The following FBXO40 variants were observed in gnomAD, a reference collection of about 807,000 sequenced individuals.
FBXO40 encodes the protein F-box protein 40.
A neutral mutation model predicts 49.9 loss-of-function variants in FBXO40; 50 were observed. The observed-to-expected ratio is 1.00, with a 90% CI of 0.80 to 1.27. FBXO40 has a LOEUF of 1.27. Among genes scored for constraint, FBXO40 ranks in the 50% most tolerant of loss-of-function variants. The pLI, the probability that FBXO40 is intolerant of heterozygous loss-of-function variation, is 0.00. For synonymous variants in FBXO40, 340 were observed against 320.2 expected (o/e 1.06, Z -0.66); for missense variants, 895 against 870.1 (o/e 1.03, Z -0.36).
rs1442789053 is a variant in FBXO40 at position 121,627,843 on chromosome 3, A to T, written c.*933A>T. On this transcript the variant is annotated 3_prime_UTR_variant, in exon 4 of 4. Coordinates refer to ENST00000338040, the MANE Select transcript of FBXO40 (RefSeq NM_016298.4). ...AGAATGCACAGGGCAGCCCAGGGAG[A>T]TCACACCTTTGGCAAAGTCCAGACA... The T allele has an allele frequency of 1.3e-5, 5 of 398,582 alleles. No homozygotes were observed. Among genetic ancestry groups the T allele is most frequent in the Non-Finnish European group, 2.2e-5 (5 of 226,172 alleles). The allele number at this position is 398,582 out of a possible 1,614,324, so 24.7% of individuals were successfully genotyped here.
intron 1 of FBXO40, among the ~76,000 whole-genome samples, chr3:121,620,285 G>A (rs2049023306): frequency 6.6e-6 from 1 of 152,178 alleles, no homozygotes; most frequent in Non-Finnish European, 1.5e-5. Context: ...CTATCAGAGG[G>A]CAGCGGGGGT....
At chr3:121,601,766 C>G (rs976959451) in intron 1 of FBXO40, among the ~76,000 whole-genome samples, 1 of 152,156 alleles carries the variant, frequency 6.6e-6, no homozygotes, top group African/African-American at 2.4e-5. Flanking sequence ...TTTCACAGAG[C>G]ATTATTCCAT....
chr3:121,621,382 C>A, intron 2 of FBXO40, 51 bp from the exon 3 acceptor site: 1 of 1,496,592 alleles, frequency 6.7e-7, no homozygotes, highest in South Asian at 1.2e-5. Flanking sequence ...ATGCATAGAG[C>A]TTCTCCTCAG....
chr3:121,623,011 C>T lies in FBXO40; in HGVS notation c.1582C>T (p.Pro528Ser). The change falls in exon 3 of 4, where the codon CCA becomes TCA. Residue 528 changes from proline (P) to serine (S), a missense_variant. Pro to Ser is a moderately conservative substitution (Grantham distance 74). Coordinates refer to ENST00000338040, the MANE Select transcript of FBXO40 (RefSeq NM_016298.4). ...CTFVQNHFRP[P>S]GQKAKVIYSQ... ...ATTTGTTCAAAACCATTTCCGTCCC[C>T]CAGGGCAAAAGGCAAAAGTAATCTA... 3 of 1,614,208 alleles carry T rather than the reference C, an allele frequency of 1.9e-6. No individual in the cohort carries two copies. The highest frequency in any genetic ancestry group is 2.5e-6 in the Non-Finnish European group (3 of 1,180,044).
At chr3:121,618,781 G>A (rs2049013645) in intron 1 of FBXO40, among the ~76,000 whole-genome samples, 1 of 151,866 alleles carries the variant, frequency 6.6e-6, no homozygotes, top group Admixed American at 6.6e-5. Context: ...GGCAGGGAGA[G>A]ATTGAGAGAG....
At chr3:121,607,659 C>T (rs573968004) in intron 1 of FBXO40, among the ~76,000 whole-genome samples, 1 of 151,954 alleles carries the variant, frequency 6.6e-6, no homozygotes, top group Non-Finnish European at 1.5e-5. Context: ...TTAACCTAAC[C>T]AGTGAAGGTA....
At chr3:121,608,260 G>A (rs966362248) in intron 1 of FBXO40, among the ~76,000 whole-genome samples, 3 of 152,180 alleles carry the variant, frequency 2.0e-5, no homozygotes, top group African/African-American at 7.2e-5. Flanking sequence ...GATGTTTTCT[G>A]GGGGAGTCCT....
intron 1 of FBXO40, among the ~76,000 whole-genome samples, chr3:121,598,995 C>T (rs1291831655): frequency 3.0e-4 from 46 of 152,096 alleles, no homozygotes; most frequent in East Asian, 1.9e-4. Context: ...CAGCACATTC[C>T]GTGTAGATCT....
Position 121,622,800 on chromosome 3 carries a change from G to A in FBXO40, c.1371G>A (p.Val457=), listed in dbSNP as rs1187291515. 5 of 1,614,176 alleles carry A rather than the reference G, an allele frequency of 3.1e-6. No homozygotes were observed. The change falls in exon 3 of 4, where the codon GTG becomes GTA. Residue 457 remains valine, a synonymous_variant. Transcript: ENST00000338040. ...LTAATPGGLH[V]ELHSECVTRR... ...CTGCCACCCCAGGGGGACTCCACGTGGAGCTCCACAGCGAGTGTGTGACCA... is the reference window on the plus strand; with the variant it reads ...CTGCCACCCCAGGGGGACTCCACGTAGAGCTCCACAGCGAGTGTGTGACCA...
At chr3:121,616,176 G>T (rs1240341809) in intron 1 of FBXO40, among the ~76,000 whole-genome samples, 2 of 152,046 alleles carry the variant, frequency 1.3e-5, no homozygotes, top group African/African-American at 2.4e-5. Context: ...GCTTCTGCTT[G>T]CGATTTCTCA....
rs558248505 is a variant in FBXO40 at position 121,595,187 on chromosome 3, AC to A, written c.-31+1689del. ...GCCTGTCTCTGTAACCTCCATATGT[AC>A]CCCAAGACTCTGCTATAGGTGTCTG... On this transcript the variant is annotated intron_variant, in intron 1 of 3. Transcript: ENST00000338040. Among the ~76,000 whole-genome samples the A allele has an allele frequency of 6.0e-4, 91 of 152,236 alleles. 1 individual carries two copies. Among genetic ancestry groups the A allele is most frequent in the South Asian group, 3.1e-3 (15 of 4,824 alleles).
chr3:121,605,751 G>T (rs1265502768), intron 1 of FBXO40, among the ~76,000 whole-genome samples: 2 of 152,168 alleles, frequency 1.3e-5, no homozygotes, highest in Admixed American at 1.3e-4. Flanking sequence ...TTATTAATTG[G>T]CCATTGGGTT....
chr3:121,611,757 C>T (rs978693930), intron 1 of FBXO40, among the ~76,000 whole-genome samples: 1 of 152,216 alleles, frequency 6.6e-6, no homozygotes. Context: ...TGGACAATAC[C>T]CCGCTTTCAA....
chr3:121,627,834 C>A lies in FBXO40; in HGVS notation c.*924C>A. ...CGTCATGCCAGAATGCACAGGGCAGCCCAGGGAGATCACACCTTTGGCAAA... is the reference window on the plus strand; with the variant it reads ...CGTCATGCCAGAATGCACAGGGCAGACCAGGGAGATCACACCTTTGGCAAA... On this transcript the variant is annotated 3_prime_UTR_variant, in exon 4 of 4. Transcript: ENST00000338040. The A allele has an allele frequency of 2.5e-6, 1 of 398,698 alleles. No individual in the cohort carries two copies. Among genetic ancestry groups the A allele is most frequent in the East Asian group, 3.6e-5 (1 of 28,070 alleles). The allele number at this position is 398,698 out of a possible 1,614,324, so 24.7% of individuals were successfully genotyped here.
At chr3:121,593,838 G>A (rs912650436) in intron 1 of FBXO40, among the ~76,000 whole-genome samples, 1 of 152,096 alleles carries the variant, frequency 6.6e-6, no homozygotes, top group Admixed American at 6.6e-5. Context: ...GAGGAAACAA[G>A]TGGAAGGCCT....
intron 2 of FBXO40, among the ~76,000 whole-genome samples, 158 bp from the exon 3 acceptor site, chr3:121,621,275 T>C (rs1181078837): frequency 6.6e-6 from 1 of 152,242 alleles, no homozygotes; most frequent in Non-Finnish European, 1.5e-5. Context: ...TAGTTGTTAT[T>C]TCTGGATTGT....
Position 121,623,123 on chromosome 3 carries a change from A to C in FBXO40, c.1694A>C (p.His565Pro). ...EGRKNNHLLG[H>P]GGKSQNSLTS... Reference sequence around the variant, plus strand: ...AGGAAGAACAACCATCTTTTGGGTCATGGAGGAAAAAGCCAGAATTCTTTA... The same window carrying C: ...AGGAAGAACAACCATCTTTTGGGTCCTGGAGGAAAAAGCCAGAATTCTTTA... The change falls in exon 3 of 4, where the codon CAT becomes CCT. Residue 565 changes from histidine (H) to proline (P), a missense_variant. Coordinates refer to ENST00000338040, the MANE Select transcript of FBXO40 (RefSeq NM_016298.4). 5 of 1,614,212 alleles carry C rather than the reference A, an allele frequency of 3.1e-6. No homozygotes were observed. The highest frequency in any genetic ancestry group is 4.2e-6 in the Non-Finnish European group (5 of 1,180,028).
chr3:121,607,455 G>A (rs1369956374), intron 1 of FBXO40, among the ~76,000 whole-genome samples: 8 of 151,014 alleles, frequency 5.3e-5, no homozygotes, highest in Middle Eastern at 3.2e-3. Flanking sequence ...GACTACAGGC[G>A]CCCACCACCA....
chr3:121,623,289 A>G lies in FBXO40; in HGVS notation c.1860A>G (p.Gln620=). Residue 620 remains glutamine (Q), a synonymous_variant, in exon 3 of 4, where the codon CAA becomes CAG. Coordinates refer to ENST00000338040, the MANE Select transcript of FBXO40 (RefSeq NM_016298.4). ...AAGAGAGAGGAATGGTCCTTTTGCA[A>G]TGGAAGAAAAAGAGGTATTCCCATG... ...LLQERGMVLL[Q]WKKKRYSHGG... is the part of the protein sequence containing the mutation. 1.2e-6 allele frequency: 2 copies of G among 1,614,214 alleles called. No individual in the cohort carries two copies. Among genetic ancestry groups the G allele is most frequent in the Non-Finnish European group, 1.7e-6 (2 of 1,180,038 alleles).
Sources: gnomAD v4.1 joint callset for allele counts (sites outside exome capture counted in the v4.1 genomes callset) on GRCh38, gnomAD v4.1.1 for gene constraint, MANE v1.5 for transcripts, NCBI Gene and HGNC (gene_info 2026-07-23, HGNC 2026-07-21) for gene names.